The following ZFYVE26 variants were observed in gnomAD, a reference collection of about 807,000 sequenced individuals.
ZFYVE26 encodes zinc finger FYVE domain-containing protein 26.
A neutral mutation model predicts 276.5 loss-of-function variants in ZFYVE26; 181 were observed. The ratio of observed to expected loss-of-function variants is 0.65; its 90% CI spans 0.58 to 0.74. The LOEUF (loss-of-function observed/expected upper bound fraction) is 0.74. Ranked by LOEUF, ZFYVE26 falls within the 30% of genes least tolerant of loss-of-function variation. The probability of loss-of-function intolerance (pLI) is 0.00; values close to 1 mark genes in which losing one functional copy is unlikely to be tolerated. For missense variants in ZFYVE26, 2,821 were observed against 3,097.9 expected (o/e 0.91, Z 2.12); for synonymous variants, 1,129 against 1,203.1 (o/e 0.94, Z 1.27).
chr14:67,781,394 A>G lies in ZFYVE26; in HGVS notation c.4508T>C (p.Val1503Ala). The G allele has an allele frequency of 1.2e-6, 2 of 1,614,142 alleles. No homozygotes were observed. Among genetic ancestry groups the G allele is most frequent in the Non-Finnish European group, 1.7e-6 (2 of 1,180,012 alleles). ...ILAYCISDTA[V>A]QEGLKCELQR... ...TAGCTCACACTTTAGTCCTTCTTGG[A>G]CAGCCGTGTCTGAAATGCAGTAGGC... Residue 1503 changes from valine to alanine, a missense_variant, in exon 22 of 42, where the codon GTC (valine) becomes GCC (alanine). Physicochemically the swap from Val to Ala is moderately conservative, Grantham distance 64. Transcript: ENST00000347230.
intron 35 of ZFYVE26, among the ~76,000 whole-genome samples, chr14:67,759,319 T>C (rs1377947288): frequency 7.0e-6 from 1 of 143,078 alleles, no homozygotes; most frequent in Non-Finnish European, 1.5e-5. Context: ...CACATAAAGA[T>C]TCGTGGAAAT....
intron 28 of ZFYVE26, 152 bp downstream of exon 28, chr14:67,771,895 A>C (rs1054510299): frequency 1.4e-4 from 138 of 995,364 alleles, no homozygotes; most frequent in African/African-American, 3.2e-5. Context: ...CATTCTGGTC[A>C]GGTCAAAAAT....
intron 32 of ZFYVE26, among the ~76,000 whole-genome samples, chr14:67,764,328 C>T (rs191515592): frequency 1.3e-5 from 2 of 152,238 alleles, no homozygotes; most frequent in South Asian, 2.1e-4. Context: ...ATAAGAGCAT[C>T]GGCACTCATA....
At position 67,766,283 on chromosome 14, in the gene ZFYVE26, G is replaced by A. The variant is rs750847486; in HGVS notation, c.5955C>T (p.Ser1985=). The change falls in exon 32 of 42, where the codon AGC becomes AGT. Residue 1985 remains serine, a synonymous_variant. Coordinates refer to ENST00000347230, the MANE Select transcript of ZFYVE26 (RefSeq NM_015346.4). The part of the protein sequence containing the change: ...LTDIMKQLLF[S]AKMMFVKAGQ... ...CGGCTTTGACGAACATCATCTTGGC[G>A]CTGAACAGCAGCTGCTTCATGATGT... is the stretch of plus-strand genomic sequence containing the variant. The A allele has an allele frequency of 1.9e-5, 30 of 1,613,868 alleles. No individual in the cohort carries two copies. The highest frequency in any genetic ancestry group is 4.0e-5 in the African/African-American group (3 of 74,910).
At chr14:67,815,497 C>G (rs2040383397) in intron 2 of ZFYVE26, 1 of 499,460 alleles carries the variant, frequency 2.0e-6, no homozygotes, top group African/African-American at 1.9e-5. Flanking sequence ...TGCAGTTCCA[C>G]CATCTATATT....
chr14:67,752,286 G>A, intron 40 of ZFYVE26, 58 bp downstream of exon 40: 1 of 1,544,646 alleles, frequency 6.5e-7, no homozygotes, highest in South Asian at 1.2e-5. Flanking sequence ...CAATAAAGAT[G>A]GGGATGTGAA....
At chr14:67,798,730 T>G in intron 10 of ZFYVE26, 108 bp from the exon 11 acceptor site, 2 of 1,396,434 alleles carry the variant, frequency 1.4e-6, no homozygotes, top group Non-Finnish European at 2.0e-6. Context: ...TTTAGCTCAT[T>G]TATTTATTTT....
chr14:67,799,540 G>A (rs1158233827), intron 10 of ZFYVE26: 4 of 1,559,194 alleles, frequency 2.6e-6, no homozygotes, highest in Non-Finnish European at 3.5e-6. Flanking sequence ...TGGCTCAGAT[G>A]GAAGCAAAGT....
In ZFYVE26 at chr14:67,756,168, G is replaced by A. The variant is rs755574853; in HGVS notation, c.6589-23C>T. On this transcript the variant is annotated intron_variant, in intron 35 of 41. Coordinates refer to ENST00000347230, the MANE Select transcript of ZFYVE26 (RefSeq NM_015346.4). The stretch of plus-strand genomic sequence containing the variant: ...CTCCTGGAGCAGGGCAGGGCGAGAA[G>A]TCAGAAGTCTTGAGCCTGGTTCTGG... 3.1e-6 allele frequency: 5 copies of A among 1,613,420 alleles called. No homozygotes were observed. In the South Asian group the frequency reaches 4.4e-5, roughly 14 times the overall value.
At chr14:67,797,799 T>G (rs1418603332) in intron 11 of ZFYVE26, 44 bp from the exon 12 acceptor site, 7 of 1,610,530 alleles carry the variant, frequency 4.3e-6, no homozygotes. Flanking sequence ...AGTGATCAAC[T>G]TTGATTTGGC....
intron 36 of ZFYVE26, 53 bp downstream of exon 36, chr14:67,755,895 G>C: frequency 6.2e-7 from 1 of 1,601,300 alleles, no homozygotes; most frequent in Non-Finnish European, 8.6e-7. Context: ...TGCCTCTCCT[G>C]CAGGGTGGGG....
At chr14:67,753,990 T>A (rs1216903522) in intron 38 of ZFYVE26, 81 bp downstream of exon 38, 1 of 1,607,758 alleles carries the variant, frequency 6.2e-7, no homozygotes, top group Non-Finnish European at 8.5e-7. Context: ...ACAACTGAAA[T>A]AATCACTAGA....
intron 12 of ZFYVE26, among the ~76,000 whole-genome samples, chr14:67,794,476 C>T (rs982465921): frequency 1.3e-5 from 2 of 152,208 alleles, no homozygotes; most frequent in African/African-American, 2.4e-5. Context: ...TGGTTCCCAA[C>T]CTGTGGGTCT....
intron 32 of ZFYVE26, among the ~76,000 whole-genome samples, chr14:67,765,854 C>A (rs943774843): frequency 6.6e-6 from 1 of 152,156 alleles, no homozygotes; most frequent in African/African-American, 2.4e-5. Context: ...AGGCTAATCA[C>A]TGGACATTCA....
In ZFYVE26 at chr14:67,769,701, A is replaced by G; in HGVS notation, c.5514T>C (p.Cys1838=). ...AGCAGGAGCTGCACACTAGCCGGCCACAGCGGCGACAATGATGACGCCTGT... is the reference window on the plus strand; with the variant it reads ...AGCAGGAGCTGCACACTAGCCGGCCGCAGCGGCGACAATGATGACGCCTGT... The part of the protein sequence containing the change: ...MFNRRHHCRR[C]GRLVCSSCST... Residue 1838 remains cysteine (C), a synonymous_variant, in exon 29 of 42, where the codon TGT becomes TGC. Coordinates refer to ENST00000347230, the MANE Select transcript of ZFYVE26 (RefSeq NM_015346.4). 1.9e-6 allele frequency: 3 copies of G among 1,614,182 alleles called. No homozygotes were observed. Among genetic ancestry groups the G allele is most frequent in the Non-Finnish European group, 2.5e-6 (3 of 1,180,028 alleles).
chr14:67,778,308 G>A, intron 23 of ZFYVE26, 60 bp from the exon 24 acceptor site: 1 of 1,610,512 alleles, frequency 6.2e-7, no homozygotes, highest in Non-Finnish European at 8.5e-7. Flanking sequence ...CTTCTCAGCA[G>A]TCTTGAGTCT....
chr14:67,758,760 C>T (rs1184819700), intron 35 of ZFYVE26, among the ~76,000 whole-genome samples: 2 of 152,110 alleles, frequency 1.3e-5, no homozygotes, highest in Admixed American at 6.5e-5. Flanking sequence ...CTCAGCCTCC[C>T]GAGTAGCTGG....
intron 32 of ZFYVE26, 124 bp downstream of exon 32, chr14:67,766,103 G>C: frequency 1.0e-6 from 1 of 982,996 alleles, no homozygotes; most frequent in Non-Finnish European, 1.6e-6. Flanking sequence ...TTACACAGAT[G>C]AAAAATCTTT....
chr14:67,737,302 A>C lies in ZFYVE26; in HGVS notation n.2680-7483T>G, dbSNP rs558192285. 3.3e-5 allele frequency among the ~76,000 whole-genome samples: 5 copies of C among 152,148 alleles called. No homozygotes were observed. In the South Asian group the frequency reaches 1.0e-3, roughly 32 times the overall value. ...ATAAAGATCCTACCCAAGACCGGGT[A>C]ATTTATAAAGAAAAGAGGTTTAATT... is the stretch of plus-strand genomic sequence containing the variant. On this transcript the variant is annotated intron_variant and non_coding_transcript_variant, in intron 13 of 14. Coordinates refer to the ZFYVE26 transcript ENST00000394455.
Sources: gnomAD v4.1 joint callset for allele counts (sites outside exome capture counted in the v4.1 genomes callset) on GRCh38, gnomAD v4.1.1 for gene constraint, MANE v1.5 for transcripts, NCBI Gene and HGNC (gene_info 2026-07-23, HGNC 2026-07-21) for gene names.